The following VWA3B variants were observed in gnomAD, a reference collection of about 807,000 sequenced individuals.
VWA3B encodes von Willebrand factor A domain-containing protein 3B.
VWA3B carries 138 observed loss-of-function variants against 158.3 expected under a neutral mutation model. The observed-to-expected ratio is 0.87, with a 90% confidence interval of 0.76 to 1.00. The LOEUF is 1.00. VWA3B is among the 50% of genes least tolerant of loss of function. The pLI, the probability that VWA3B is intolerant of heterozygous loss-of-function variation, is 0.00. For synonymous variants in VWA3B, 596 were observed against 587.3 expected (o/e 1.01, Z -0.21); for missense variants, 1,555 against 1,565.1 (o/e 0.99, Z 0.11).
At chr2:98,117,599 G>T (rs1047711082) in intron 3 of VWA3B, among the ~76,000 whole-genome samples, 23 of 152,154 alleles carry the variant, frequency 1.5e-4, no homozygotes, top group African/African-American at 5.6e-4. Flanking sequence ...TGTTGGGGCT[G>T]CCCAGGAAAC....
At position 98,186,406 on chromosome 2, in the gene VWA3B, G is replaced by A. The variant is rs76185181; in HGVS notation, c.1312-1569G>A. The stretch of plus-strand genomic sequence containing the variant: ...CTTCAAAATGTACCCCTCCAGCCCC[G>A]CGGCCTACCCTGATCTCCCGACTAC... On this transcript the variant is annotated intron_variant, in intron 9 of 27. Coordinates refer to ENST00000477737, the MANE Select transcript of VWA3B (RefSeq NM_144992.5). Among the ~76,000 whole-genome samples, 1,338 of 151,892 alleles carry A rather than the reference G, an allele frequency of 8.8e-3. 22 individuals are homozygous for A. Among genetic ancestry groups the A allele is most frequent in the African/African-American group, 0.031 (1,279 of 41,416 alleles).
the VWA3B span, among the ~76,000 whole-genome samples, chr2:98,328,418 G>T: frequency 1.3e-5 from 2 of 152,110 alleles, no homozygotes; most frequent in African/African-American, 4.8e-5. Context: ...ATTTATATTT[G>T]CTAGGTCATA....
At chr2:98,257,842 T>C (rs1195559952) in intron 21 of VWA3B, among the ~76,000 whole-genome samples, 2 of 151,980 alleles carry the variant, frequency 1.3e-5, no homozygotes, top group East Asian at 1.9e-4. Context: ...TCCTTGGAGG[T>C]CCAAAAGTTT....
chr2:98,239,436 G>C (rs1479570769), intron 19 of VWA3B, among the ~76,000 whole-genome samples: 1 of 152,028 alleles, frequency 6.6e-6, no homozygotes, highest in Non-Finnish European at 1.5e-5. Context: ...TCATGTGACT[G>C]ATTTAGGCAT....
intron 16 of VWA3B, among the ~76,000 whole-genome samples, chr2:98,233,525 G>T (rs1158818912): frequency 1.3e-5 from 2 of 152,108 alleles, no homozygotes; most frequent in African/African-American, 2.4e-5. Flanking sequence ...GATTTGGATT[G>T]TTTATCTCTT....
intron 19 of VWA3B, among the ~76,000 whole-genome samples, chr2:98,238,150 A>G (rs1283973938): frequency 6.6e-6 from 1 of 152,188 alleles, no homozygotes; most frequent in South Asian, 2.1e-4. Context: ...CATTTTAAAA[A>G]TTATCACCCA....
chr2:98,153,198 A>G (rs1014037491), intron 7 of VWA3B, among the ~76,000 whole-genome samples: 1 of 145,414 alleles, frequency 6.9e-6, no homozygotes, highest in African/African-American at 2.8e-5. Flanking sequence ...TCTGCTCACT[A>G]TCATATTTTG....
chr2:98,129,052 G>A (rs1032254039), intron 6 of VWA3B, among the ~76,000 whole-genome samples: 13 of 152,100 alleles, frequency 8.5e-5, no homozygotes, highest in Non-Finnish European at 1.8e-4. Flanking sequence ...AGGCTGGGTG[G>A]CTTAACAAGT....
Position 98,269,185 on chromosome 2 carries a change from T to C in VWA3B, c.2844-1497T>C, listed in dbSNP as rs74715885. On this transcript the variant is annotated intron_variant, in intron 21 of 27. Coordinates refer to ENST00000477737, the MANE Select transcript of VWA3B (RefSeq NM_144992.5). ...GACATTTGAAAAAACAGCTATCTCA[T>C]CCGATTTTCACAAACTGGCCTCTTA... Among the ~76,000 whole-genome samples, 621 of 152,242 alleles carry C rather than the reference T, an allele frequency of 4.1e-3. 11 individuals are homozygous for C. The highest frequency in any genetic ancestry group is 0.026 in the East Asian group (134 of 5,184).
intron 2 of VWA3B, among the ~76,000 whole-genome samples, chr2:98,094,275 A>T (rs1682559797): frequency 6.6e-6 from 1 of 152,168 alleles, no homozygotes; most frequent in Admixed American, 6.5e-5. Context: ...GTGTGTGGGT[A>T]TCCTTTTCTC....
chr2:98,128,492 G>T (rs937727119), intron 6 of VWA3B, 84 bp downstream of exon 6: 3 of 1,432,834 alleles, frequency 2.1e-6, no homozygotes, highest in African/African-American at 1.4e-5. Context: ...ATTCTTCGTG[G>T]CTTTAACCAA....
intron 14 of VWA3B, among the ~76,000 whole-genome samples, chr2:98,226,614 G>A (rs1206984435): frequency 6.6e-6 from 1 of 152,202 alleles, no homozygotes; most frequent in Non-Finnish European, 1.5e-5. Context: ...GGGAGACCCT[G>A]TTAAGAACAT....
intron 7 of VWA3B, among the ~76,000 whole-genome samples, chr2:98,141,495 A>T (rs563829688): frequency 6.6e-6 from 1 of 152,236 alleles, no homozygotes; most frequent in South Asian, 2.1e-4. Context: ...CATCTCATGG[A>T]AACTCATTAC....
chr2:98,184,420 T>G (rs1026516385), intron 9 of VWA3B, among the ~76,000 whole-genome samples: 1 of 152,228 alleles, frequency 6.6e-6, no homozygotes, highest in Non-Finnish European at 1.5e-5. Flanking sequence ...TGGCAGAAAC[T>G]GGAGGAAAAC....
At chr2:98,102,880 AT>A (rs1197325978) in intron 2 of VWA3B, among the ~76,000 whole-genome samples, 3 of 152,250 alleles carry the variant, frequency 2.0e-5, no homozygotes, top group African/African-American at 7.2e-5. Context: ...TTAATAAAAA[AT>A]TCAATTTATT....
chr2:98,130,011 C>G lies in VWA3B; in HGVS notation c.872+1603C>G, dbSNP rs914304623. Among the ~76,000 whole-genome samples the G allele has an allele frequency of 5.3e-5, 8 of 152,100 alleles. No homozygotes were observed. The South Asian group carries it at 1.5e-3, about 28-fold the overall frequency. On this transcript the variant is annotated intron_variant, in intron 6 of 27. Transcript: ENST00000477737. ...GGGGTCCCAGGGGACCGGCATTCAG[C>G]ATACCAAGGATCCACACCGGCACCG...
chr2:98,168,050 C>T (rs1478063035), intron 8 of VWA3B, among the ~76,000 whole-genome samples: 1 of 152,106 alleles, frequency 6.6e-6, no homozygotes, highest in Non-Finnish European at 1.5e-5. Flanking sequence ...CAAGGTCAAA[C>T]TCAAAATGAT....
chr2:98,147,774 A>G (rs1005838501), intron 7 of VWA3B, among the ~76,000 whole-genome samples: 2 of 151,978 alleles, frequency 1.3e-5, no homozygotes, highest in Non-Finnish European at 1.5e-5. Flanking sequence ...ATATGTATAC[A>G]TGTGCCATGT....
intron 20 of VWA3B, among the ~76,000 whole-genome samples, chr2:98,254,035 G>A (rs1338117668): frequency 1.3e-5 from 2 of 152,126 alleles, no homozygotes; most frequent in African/African-American, 2.4e-5. Flanking sequence ...ATTTTCTAAA[G>A]AAGTGAATTA....
Sources: allele counts gnomAD v4.1 joint callset (sites outside exome capture counted in the v4.1 genomes callset), GRCh38; gene constraint gnomAD v4.1.1; transcripts MANE v1.5; gene names NCBI Gene and HGNC (gene_info 2026-07-23, HGNC 2026-07-21).